The following GPC5 variants were observed in gnomAD, a reference collection of about 807,000 sequenced individuals.
GPC5 encodes glypican 5, also known as glypican-5.
Under a neutral mutation model 53.9 loss-of-function variants are expected in GPC5, and 47 were observed. The observed-to-expected ratio is 0.87, with a 90% CI of 0.69 to 1.11. GPC5 has a LOEUF of 1.11. Among genes scored for constraint, GPC5 ranks in the 50% most tolerant of loss-of-function variants. The pLI, the probability that GPC5 is intolerant of heterozygous loss-of-function variation, is 0.00. For missense variants in GPC5, 748 were observed against 713.1 expected (o/e 1.05, Z -0.56); for synonymous variants, 286 against 263.3 (o/e 1.09, Z -0.84).
In GPC5 at chr13:92,031,777, A is replaced by ATATTACATATTATATATAATATG. The variant is rs1566403273; in HGVS notation, c.1402-113051_1402-113050insTTACATATTATATATAATATGTA. Among the ~76,000 whole-genome samples the ATATTACATATTATATATAATATG allele has an allele frequency of 6.4e-4, 63 of 98,136 alleles. 4 individuals carry two copies. Among genetic ancestry groups the ATATTACATATTATATATAATATG allele is most frequent in the African/African-American group, 3.3e-3 (60 of 18,158 alleles). 64.4% of individuals were successfully genotyped at this position (98,136 alleles called of 152,430 possible). A position where few individuals can be genotyped will look rare whatever the true frequency, so the allele number is the denominator to read the frequency against. On this transcript the variant is annotated intron_variant, in intron 6 of 7. Transcript: ENST00000377067. ...TTATATTACATATTATATATAATAT[A>ATATTACATATTATATATAATATG]TAATATATTACATATTATATATAAT...
At chr13:91,455,124 T>C (rs1049286473) in intron 2 of GPC5, among the ~76,000 whole-genome samples, 2 of 152,118 alleles carry the variant, frequency 1.3e-5, no homozygotes, top group African/African-American at 4.8e-5. Context: ...TGTTGATGGA[T>C]ATTTTAATAA....
intron 1 of GPC5, among the ~76,000 whole-genome samples, chr13:91,421,677 G>C (rs1398211821): frequency 6.6e-6 from 1 of 152,158 alleles, no homozygotes; most frequent in African/African-American, 2.4e-5. Flanking sequence ...TAAGCTTACA[G>C]TTGGCTGTAA....
intron 7 of GPC5, among the ~76,000 whole-genome samples, chr13:92,532,946 A>T (rs997225240): frequency 1.2e-4 from 18 of 152,148 alleles, no homozygotes; most frequent in African/African-American, 3.1e-4. Context: ...ACATTTTTTT[A>T]AACTGTTATT....
At chr13:92,396,488 T>C (rs1164657072) in intron 7 of GPC5, among the ~76,000 whole-genome samples, 1 of 151,818 alleles carries the variant, frequency 6.6e-6, no homozygotes, top group Non-Finnish European at 1.5e-5. Flanking sequence ...GATTTTGTTT[T>C]TGTTTTTTGT....
chr13:92,229,363 G>A (rs1385381534), intron 7 of GPC5, among the ~76,000 whole-genome samples: 1 of 151,994 alleles, frequency 6.6e-6, no homozygotes, highest in Non-Finnish European at 1.5e-5. Flanking sequence ...AAAGTATACT[G>A]ATATATTTTT....
intron 7 of GPC5, among the ~76,000 whole-genome samples, chr13:92,628,133 GAA>G (rs1469465388): frequency 1.3e-5 from 2 of 152,016 alleles, no homozygotes; most frequent in Non-Finnish European, 2.9e-5. Flanking sequence ...ACAGGAATTA[GAA>G]AAGAGAGGGA....
intron 7 of GPC5, among the ~76,000 whole-genome samples, chr13:92,623,344 G>C (rs1222047994): frequency 2.6e-5 from 4 of 152,140 alleles, no homozygotes; most frequent in Non-Finnish European, 5.9e-5. Context: ...AATATTTTTG[G>C]AACATAGGCT....
intron 7 of GPC5, among the ~76,000 whole-genome samples, chr13:92,841,022 T>G (rs1878412156): frequency 6.6e-6 from 1 of 152,110 alleles, no homozygotes; most frequent in Non-Finnish European, 1.5e-5. Context: ...CTTTAGGGCT[T>G]TCTACATATA....
At chr13:92,828,466 C>T (rs773970851) in intron 7 of GPC5, among the ~76,000 whole-genome samples, 1 of 152,106 alleles carries the variant, frequency 6.6e-6, no homozygotes, top group Non-Finnish European at 1.5e-5. Flanking sequence ...GACACGTTTA[C>T]CCAATTATAT....
At chr13:91,545,280 CT>C (rs1311864845) in intron 2 of GPC5, among the ~76,000 whole-genome samples, 1 of 152,124 alleles carries the variant, frequency 6.6e-6, no homozygotes, top group Non-Finnish European at 1.5e-5. Context: ...ATAGATTTAA[CT>C]TTATCATTTT....
Position 92,683,611 on chromosome 13 carries a change from C to G in GPC5, c.1562-182671C>G, listed in dbSNP as rs547309629. ...TTCATATATGAAAAATTTACTTTTT[C>G]TATTAATTTATAATTACATTAATAT... On this transcript the variant is annotated intron_variant, in intron 7 of 7. Coordinates refer to ENST00000377067, the MANE Select transcript of GPC5 (RefSeq NM_004466.6). Among the ~76,000 whole-genome samples, 10 of 152,214 alleles carry G rather than the reference C, an allele frequency of 6.6e-5. No individual in the cohort carries two copies. In the East Asian group the frequency reaches 1.9e-3, roughly 29 times the overall value.
chr13:92,419,525 C>G (rs530088850), intron 7 of GPC5, among the ~76,000 whole-genome samples: 1 of 152,124 alleles, frequency 6.6e-6, no homozygotes, highest in South Asian at 2.1e-4. Context: ...CTACAGTTTC[C>G]TCAGTGAAGA....
At position 92,161,989 on chromosome 13, in the gene GPC5, A is replaced by ATATG. The variant is rs1555315546; in HGVS notation, c.1561+17003_1561+17004insGTAT. On this transcript the variant is annotated intron_variant, in intron 7 of 7. Coordinates refer to ENST00000377067, the MANE Select transcript of GPC5 (RefSeq NM_004466.6). Reference sequence around the variant, plus strand: ...TATATATATATATATATATATATATATATATATGAAACTAAATGTAGTTCT... The same window carrying ATATG: ...TATATATATATATATATATATATATATATGTATATATGAAACTAAATGTAGTTCT... Among the ~76,000 whole-genome samples, 23 of 121,590 alleles carry ATATG rather than the reference A, an allele frequency of 1.9e-4. 1 individual carries two copies. The highest frequency in any genetic ancestry group is 2.8e-4 in the Non-Finnish European group (16 of 58,134). The allele number at this position is 121,590 out of a possible 152,430, so 79.8% of individuals were successfully genotyped here.
intron 7 of GPC5, among the ~76,000 whole-genome samples, chr13:92,197,612 C>T (rs1218831929): frequency 6.6e-6 from 1 of 151,996 alleles, no homozygotes; most frequent in African/African-American, 2.4e-5. Context: ...ATCCTCCCAT[C>T]TCTTCCTCCC....
At chr13:91,445,886 G>C (rs957494022) in intron 1 of GPC5, among the ~76,000 whole-genome samples, 4 of 152,194 alleles carry the variant, frequency 2.6e-5, no homozygotes, top group African/African-American at 9.7e-5. Flanking sequence ...GGGAGCTACT[G>C]TATTCTCAAG....
chr13:91,608,276 T>C (rs2033437860), intron 2 of GPC5, among the ~76,000 whole-genome samples: 2 of 152,180 alleles, frequency 1.3e-5, no homozygotes, highest in African/African-American at 4.8e-5. Context: ...TAGATGATAA[T>C]AAAATATAAT....
intron 6 of GPC5, among the ~76,000 whole-genome samples, chr13:91,989,495 A>G (rs1382209620): frequency 2.6e-5 from 4 of 152,206 alleles, no homozygotes; most frequent in African/African-American, 9.6e-5. Context: ...GTATAACCAC[A>G]TGCTAAAACA....
At chr13:91,430,935 C>T (rs898918064) in intron 1 of GPC5, among the ~76,000 whole-genome samples, 11 of 152,212 alleles carry the variant, frequency 7.2e-5, no homozygotes, top group East Asian at 1.9e-4. Context: ...AGTGCAGGGG[C>T]GTGATCACAG....
At chr13:91,732,451 A>G (rs140992117) in intron 4 of GPC5, among the ~76,000 whole-genome samples, 1 of 150,974 alleles carries the variant, frequency 6.6e-6, no homozygotes, top group African/African-American at 2.4e-5. Flanking sequence ...GATTGCAAAA[A>G]TTTTCTCCCA....
Sources: gnomAD v4.1 joint callset for allele counts (sites outside exome capture counted in the v4.1 genomes callset) on GRCh38, gnomAD v4.1.1 for gene constraint, MANE v1.5 for transcripts, NCBI Gene and HGNC (gene_info 2026-07-23, HGNC 2026-07-21) for gene names.